Variants in ELMO1 observed in about 807,000 individuals in gnomAD.
The protein encoded by ELMO1 is engulfment and cell motility protein 1.
Under a neutral mutation model 98.9 loss-of-function variants are expected in ELMO1, and 26 were observed. The ratio of observed to expected loss-of-function variants is 0.26; its 90% CI spans 0.19 to 0.36. ELMO1 has a LOEUF of 0.36. Ranked by LOEUF, ELMO1 falls within the 10% of genes least tolerant of loss-of-function variation. ELMO1 has a pLI of 1.00. For synonymous variants in ELMO1, 346 were observed against 346.0 expected, an observed-to-expected ratio of 1.00 and a Z score of 0.00; for missense variants, 627 against 935.2, an observed-to-expected ratio of 0.67 and a Z score of 4.30.
chr7:36,907,090 T>C (rs975796645), intron 16 of ELMO1, among the ~76,000 whole-genome samples: 4 of 152,058 alleles, frequency 2.6e-5, no homozygotes, highest in South Asian at 2.1e-4. Context: ...ACCTGGAAAA[T>C]GTCCCCTTTG....
At chr7:37,301,601 A>G (rs572797551) in intron 4 of ELMO1, among the ~76,000 whole-genome samples, 70 of 140,990 alleles carry the variant, frequency 5.0e-4, no homozygotes, top group African/African-American at 1.6e-3. Flanking sequence ...AGCACCAAGA[A>G]CAAGGCTGCC....
At chr7:37,290,432 TGATA>T (rs1163336607) in intron 4 of ELMO1, among the ~76,000 whole-genome samples, 1 of 152,188 alleles carries the variant, frequency 6.6e-6, no homozygotes, top group East Asian at 1.9e-4. Flanking sequence ...CTTTAAAAGA[TGATA>T]AATACATCTC....
At chr7:37,178,875 A>C (rs976401555) in intron 13 of ELMO1, among the ~76,000 whole-genome samples, 1 of 152,168 alleles carries the variant, frequency 6.6e-6, no homozygotes, top group Non-Finnish European at 1.5e-5. Flanking sequence ...AAAATAAGGA[A>C]AGACTGAGAA....
chr7:37,171,481 C>CTTTTTTTTTTTTTTTTTTTT (rs71553100), intron 13 of ELMO1, among the ~76,000 whole-genome samples: 2 of 44,268 alleles, frequency 4.5e-5, no homozygotes, highest in Admixed American at 3.2e-4. Context: ...CCAGGCCTTT[C>CTTTTTTTTTTTTTTTTTTTT]TATTTTTTTT....
intron 15 of ELMO1, among the ~76,000 whole-genome samples, chr7:37,072,350 T>C (rs535233710): frequency 6.6e-6 from 1 of 152,268 alleles, no homozygotes; most frequent in Non-Finnish European, 1.5e-5. Context: ...TCTCATAAGA[T>C]CGGCTGGTTT....
chr7:36,950,761 G>A (rs1208343848), intron 16 of ELMO1, among the ~76,000 whole-genome samples: 2 of 152,200 alleles, frequency 1.3e-5, no homozygotes. Context: ...TCATCTCCAT[G>A]AGGGCTCAGG....
chr7:37,257,588 T>G (rs1386494207), intron 6 of ELMO1, among the ~76,000 whole-genome samples: 2 of 140,600 alleles, frequency 1.4e-5, no homozygotes, highest in Non-Finnish European at 1.5e-5. Context: ...CTGGGTGTGG[T>G]GTCACACGCC....
intron 17 of ELMO1, among the ~76,000 whole-genome samples, chr7:36,892,966 G>C (rs1442814545): frequency 6.7e-6 from 1 of 150,090 alleles, no homozygotes; most frequent in Non-Finnish European, 1.5e-5. Flanking sequence ...AAAGGGGAAA[G>C]AAACTTCAGA....
chr7:37,108,160 C>T (rs749039510), intron 14 of ELMO1, among the ~76,000 whole-genome samples: 3 of 152,166 alleles, frequency 2.0e-5, no homozygotes, highest in Non-Finnish European at 4.4e-5. Flanking sequence ...CTTCCTATTA[C>T]ATCTAGCTTT....
intron 21 of ELMO1, among the ~76,000 whole-genome samples, chr7:36,857,798 A>G (rs996472511): frequency 1.3e-5 from 2 of 152,234 alleles, no homozygotes; most frequent in African/African-American, 4.8e-5. Flanking sequence ...ACTCATGCTT[A>G]GATTCTGGTC....
At chr7:37,316,963 A>C (rs1280918022) in intron 2 of ELMO1, among the ~76,000 whole-genome samples, 1 of 152,160 alleles carries the variant, frequency 6.6e-6, no homozygotes, top group Admixed American at 6.5e-5. Flanking sequence ...AGCGTAAGTA[A>C]CCGCAATTTT....
chr7:37,006,509 AT>A (rs1212127654), intron 16 of ELMO1, among the ~76,000 whole-genome samples: 1 of 152,206 alleles, frequency 6.6e-6, no homozygotes, highest in African/African-American at 2.4e-5. Flanking sequence ...CCTCCTGCTA[AT>A]TCAGCCTTGG....
chr7:37,105,902 T>C (rs567285812), intron 14 of ELMO1, among the ~76,000 whole-genome samples: 7 of 152,156 alleles, frequency 4.6e-5, no homozygotes, highest in African/African-American at 1.7e-4. Flanking sequence ...GCTTAGCGGG[T>C]ATGGGGTTAT....
intron 13 of ELMO1, among the ~76,000 whole-genome samples, chr7:37,205,109 G>A (rs537526039): frequency 1.2e-4 from 19 of 152,326 alleles, no homozygotes; most frequent in Non-Finnish European, 2.2e-4. Flanking sequence ...TTTAAGAGCA[G>A]ACTTTCTCTT....
intron 13 of ELMO1, among the ~76,000 whole-genome samples, chr7:37,144,198 T>C (rs1317297986): frequency 6.6e-6 from 1 of 152,144 alleles, no homozygotes; most frequent in Non-Finnish European, 1.5e-5. Flanking sequence ...TCACTACATT[T>C]CAGATAAAAA....
intron 16 of ELMO1, among the ~76,000 whole-genome samples, chr7:36,976,562 G>A (rs1032451022): frequency 3.3e-5 from 5 of 152,128 alleles, no homozygotes; most frequent in Non-Finnish European, 5.9e-5. Flanking sequence ...AACGTGACAG[G>A]GACCCACTTA....
At chr7:37,384,778 G>T (rs1413549924) in intron 1 of ELMO1, among the ~76,000 whole-genome samples, 2 of 151,448 alleles carry the variant, frequency 1.3e-5, no homozygotes, top group African/African-American at 4.8e-5. Flanking sequence ...GTAAGTTCTA[G>T]ATCTACTTGA....
At chr7:36,923,959 G>A (rs1027270005) in intron 16 of ELMO1, among the ~76,000 whole-genome samples, 1 of 152,156 alleles carries the variant, frequency 6.6e-6, no homozygotes, top group African/African-American at 2.4e-5. Context: ...AGCTTGGCTG[G>A]AGGAAAAGAC....
chr7:37,397,085 T>C (rs1388076276), intron 1 of ELMO1, among the ~76,000 whole-genome samples: 1 of 152,232 alleles, frequency 6.6e-6, no homozygotes, highest in Non-Finnish European at 1.5e-5. Flanking sequence ...GGCTGGAATA[T>C]AGACAGCCAC....
Sources: allele counts gnomAD v4.1 joint callset (sites outside exome capture counted in the v4.1 genomes callset), GRCh38; gene constraint gnomAD v4.1.1; transcripts MANE v1.5; gene names NCBI Gene and HGNC (gene_info 2026-07-23, HGNC 2026-07-21).